Variants in CNTN5 observed in about 807,000 individuals in gnomAD.
CNTN5 encodes contactin 5.
Under a neutral mutation model 129.1 loss-of-function variants are expected in CNTN5, and 77 were observed. That is an observed-to-expected ratio of 0.60 (90% CI 0.50 to 0.72). CNTN5 has a LOEUF of 0.72. CNTN5 is among the 30% of genes least tolerant of loss of function. The probability of loss-of-function intolerance (pLI) is 0.00; values close to 1 mark genes in which losing one functional copy is unlikely to be tolerated. For synonymous variants in CNTN5, 509 were observed against 465.6 expected (o/e 1.09, Z -1.20); for missense variants, 1,478 against 1,328.8 (o/e 1.11, Z -1.75).
chr11:100,009,729 C>G (rs538781923), intron 9 of CNTN5, among the ~76,000 whole-genome samples: 10 of 152,122 alleles, frequency 6.6e-5, no homozygotes, highest in Non-Finnish European at 1.3e-4. Context: ...GCCCATTTGT[C>G]TTCTAATGGT....
At chr11:99,645,756 C>T (rs1407917781) in intron 3 of CNTN5, among the ~76,000 whole-genome samples, 6 of 143,858 alleles carry the variant, frequency 4.2e-5, no homozygotes, top group Non-Finnish European at 4.6e-5. Context: ...AATGAGAACA[C>T]ATCGCCACAG....
chr11:99,611,929 T>G (rs1405846892), intron 3 of CNTN5, among the ~76,000 whole-genome samples: 1 of 152,132 alleles, frequency 6.6e-6, no homozygotes, highest in Non-Finnish European at 1.5e-5. Flanking sequence ...AAGGAGGTAT[T>G]TTGTGGAATT....
At chr11:100,009,423 G>A (rs1332121744) in intron 9 of CNTN5, among the ~76,000 whole-genome samples, 2 of 151,108 alleles carry the variant, frequency 1.3e-5, no homozygotes, top group Non-Finnish European at 2.9e-5. Flanking sequence ...ACAAAGGTAT[G>A]TAAAGGCTTG....
chr11:100,090,481 CCCTCCCTCCTTTCCTCCTTT>C, intron 13 of CNTN5, among the ~76,000 whole-genome samples: 1 of 98,108 alleles, frequency 1.0e-5, no homozygotes, highest in Non-Finnish European at 2.0e-5. Context: ...TTCTCTCTTT[CCCTCCCTCCTTTCCTCCTTT>C]CCTCCCTCCC....
At chr11:99,148,481 A>G (rs1185883031) in intron 1 of CNTN5, among the ~76,000 whole-genome samples, 1 of 152,204 alleles carries the variant, frequency 6.6e-6, no homozygotes, top group Non-Finnish European at 1.5e-5. Context: ...AGTGAGGTAC[A>G]GAAACAGCTT....
At chr11:99,115,591 C>G (rs922387560) in intron 1 of CNTN5, among the ~76,000 whole-genome samples, 1 of 152,022 alleles carries the variant, frequency 6.6e-6, no homozygotes, top group Non-Finnish European at 1.5e-5. Context: ...AAAACCCCAT[C>G]TCTACTAAAA....
chr11:99,634,915 G>A (rs1951495589), intron 3 of CNTN5, among the ~76,000 whole-genome samples: 1 of 152,114 alleles, frequency 6.6e-6, no homozygotes, highest in Non-Finnish European at 1.5e-5. Flanking sequence ...AGACAGATAT[G>A]GAACTCTCAC....
At chr11:99,443,926 C>T (rs904884492) in intron 2 of CNTN5, among the ~76,000 whole-genome samples, 5 of 151,876 alleles carry the variant, frequency 3.3e-5, no homozygotes, top group African/African-American at 7.3e-5. Flanking sequence ...AGGTGGGTGC[C>T]GTGGCTCACG....
intron 1 of CNTN5, among the ~76,000 whole-genome samples, chr11:99,053,071 A>G (rs1864487972): frequency 6.6e-6 from 1 of 151,886 alleles, no homozygotes; most frequent in Non-Finnish European, 1.5e-5. Flanking sequence ...CTTATGTGCC[A>G]ATACATTTAG....
chr11:99,891,503 C>A (rs1949058547), intron 6 of CNTN5, among the ~76,000 whole-genome samples: 1 of 151,996 alleles, frequency 6.6e-6, no homozygotes, highest in African/African-American at 2.4e-5. Flanking sequence ...CCAACAGGCC[C>A]AGGTATGTAA....
At chr11:99,295,596 G>C (rs913097100) in intron 1 of CNTN5, among the ~76,000 whole-genome samples, 20 of 152,170 alleles carry the variant, frequency 1.3e-4, no homozygotes, top group African/African-American at 4.1e-4. Flanking sequence ...TGACTGATTG[G>C]CCGGGCGCGG....
chr11:99,528,932 G>T (rs546337540), intron 2 of CNTN5, among the ~76,000 whole-genome samples: 1 of 143,866 alleles, frequency 7.0e-6, no homozygotes, highest in East Asian at 2.0e-4. Flanking sequence ...TGGCATAGTG[G>T]TGCATGCCCA....
chr11:100,335,809 A>G (rs753323748), intron 21 of CNTN5, among the ~76,000 whole-genome samples: 3 of 151,700 alleles, frequency 2.0e-5, no homozygotes, highest in Non-Finnish European at 2.9e-5. Context: ...TTGTCTCTAT[A>G]CTCTCCTACA....
At position 99,706,318 on chromosome 11, in the gene CNTN5, A is replaced by G. The variant is rs374085833; in HGVS notation, c.56-113226A>G. Among the ~76,000 whole-genome samples, 637 of 151,628 alleles carry G rather than the reference A, an allele frequency of 4.2e-3. 6 individuals carry two copies. Among genetic ancestry groups the G allele is most frequent in the African/African-American group, 0.013 (554 of 41,480 alleles). On this transcript the variant is annotated intron_variant, in intron 3 of 24. Coordinates refer to ENST00000524871, the MANE Select transcript of CNTN5 (RefSeq NM_014361.4). ...ACTTTTAGAACTTAATCTCACATGT[A>G]AGCAATTAATTTTATTAAAATATGT...
chr11:99,155,377 A>C (rs1036348815), intron 1 of CNTN5, among the ~76,000 whole-genome samples: 2 of 152,178 alleles, frequency 1.3e-5, no homozygotes, highest in African/African-American at 4.8e-5. Flanking sequence ...TATTTTGTAA[A>C]GTGTCATATG....
intron 3 of CNTN5, among the ~76,000 whole-genome samples, chr11:99,715,822 C>CA (rs1410495157): frequency 6.6e-6 from 1 of 151,424 alleles, no homozygotes; most frequent in East Asian, 2.0e-4. Flanking sequence ...CTTTCCCTGC[C>CA]AAAAAAATGT....
At chr11:99,707,246 C>T (rs1009418265) in intron 3 of CNTN5, among the ~76,000 whole-genome samples, 8 of 151,290 alleles carry the variant, frequency 5.3e-5, no homozygotes, top group Admixed American at 4.6e-4. Flanking sequence ...AGAAGATAAA[C>T]ACTATTTAAT....
chr11:99,109,109 A>G (rs117428172), intron 1 of CNTN5, among the ~76,000 whole-genome samples: 6,900 of 151,288 alleles, frequency 0.046, 188 homozygotes, highest in Middle Eastern at 0.066. Context: ...TACACATAGT[A>G]TATGTACATG....
At chr11:99,147,016 A>G (rs745897433) in intron 1 of CNTN5, among the ~76,000 whole-genome samples, 10 of 152,190 alleles carry the variant, frequency 6.6e-5, no homozygotes, top group Non-Finnish European at 1.3e-4. Flanking sequence ...TCGATGCATT[A>G]AGCACTATAT....
Sources: allele counts gnomAD v4.1 joint callset (sites outside exome capture counted in the v4.1 genomes callset), GRCh38; gene constraint gnomAD v4.1.1; transcripts MANE v1.5; gene names NCBI Gene and HGNC (gene_info 2026-07-23, HGNC 2026-07-21).